The following PAPSS2 variants were observed in gnomAD, a reference collection of about 807,000 sequenced individuals.
PAPSS2 encodes bifunctional 3'-phosphoadenosine 5'-phosphosulfate synthase 2.
A neutral mutation model predicts 66.5 loss-of-function variants in PAPSS2; 61 were observed. The ratio of observed to expected loss-of-function variants is 0.92; its 90% CI spans 0.75 to 1.14. The LOEUF is 1.14. PAPSS2 is among the 50% of genes most tolerant of loss of function. PAPSS2 has a pLI of 0.00. For missense variants in PAPSS2, 708 were observed against 789.6 expected (o/e 0.90, Z 1.24); for synonymous variants, 289 against 287.5 (o/e 1.01, Z -0.05).
chr10:87,743,579 G>T lies in PAPSS2; in HGVS notation c.1429G>T (p.Asp477Tyr). The T allele has an allele frequency of 6.2e-7, 1 of 1,614,118 alleles. No homozygotes were observed. Among genetic ancestry groups the T allele is most frequent in the Non-Finnish European group, 8.5e-7 (1 of 1,180,010 alleles). ...HAAVLEEGVL[D>Y]PKSTIVAIFP... is the part of the protein sequence containing the mutation. ...GGCTGTGCTCGAGGAAGGGGTCCTG[G>T]ATCCCAAGTCAACCATTGTTGCCAT... Residue 477 changes from aspartate (D) to tyrosine (Y), a missense_variant, in exon 11 of 13, where the codon GAT (aspartate) becomes TAT (tyrosine). Physicochemically the swap from Asp to Tyr is radical, Grantham distance 160. Coordinates refer to ENST00000456849, the MANE Select transcript of PAPSS2 (RefSeq NM_001015880.2).
At chr10:87,712,529 G>C (rs1853474918) in intron 2 of PAPSS2, among the ~76,000 whole-genome samples, 1 of 152,132 alleles carries the variant, frequency 6.6e-6, no homozygotes, top group Non-Finnish European at 1.5e-5. Flanking sequence ...ACGGCTCACT[G>C]CATGCAGCCT....
At chr10:87,670,978 A>G (rs182325144) in intron 1 of PAPSS2, among the ~76,000 whole-genome samples, 51 of 152,298 alleles carry the variant, frequency 3.3e-4, no homozygotes, top group Non-Finnish European at 5.7e-4. Flanking sequence ...GGGTTCCCCA[A>G]ATAGAAGAAG....
At position 87,671,223 on chromosome 10, in the gene PAPSS2, G is replaced by A. The variant is rs142745964; in HGVS notation, c.27+11215G>A. The stretch of plus-strand genomic sequence containing the variant: ...ATAACATATAATGGATACTATGACT[G>A]TGAGAATGCAAAAGGATCTTTTGAT... On this transcript the variant is annotated intron_variant, in intron 1 of 12. Transcript: ENST00000456849. Among the ~76,000 whole-genome samples, 10 of 152,170 alleles carry A rather than the reference G, an allele frequency of 6.6e-5. No homozygotes were observed. The East Asian group carries it at 1.9e-3, about 29-fold the overall frequency.
At chr10:87,706,946 T>C (rs55973619) in intron 1 of PAPSS2, among the ~76,000 whole-genome samples, 23,621 of 152,240 alleles carry the variant, frequency 0.16, 1,939 homozygotes, top group East Asian at 0.22. Flanking sequence ...CTTCCAAGTC[T>C]TGGATTCCGA....
chr10:87,691,488 TA>T (rs372350541), intron 1 of PAPSS2, among the ~76,000 whole-genome samples: 11,119 of 141,898 alleles, frequency 0.078, 1,255 homozygotes, highest in African/African-American at 0.25. Context: ...TTGAGACACT[TA>T]AAAAAAAAAA....
intron 1 of PAPSS2, among the ~76,000 whole-genome samples, chr10:87,695,762 G>T (rs1226589734): frequency 1.3e-5 from 2 of 152,104 alleles, no homozygotes; most frequent in African/African-American, 4.8e-5. Flanking sequence ...AGGAAGGAGA[G>T]CAGTAGGTCC....
chr10:87,724,851 T>TACACACACACACACACACACAC (rs58668772), intron 8 of PAPSS2, among the ~76,000 whole-genome samples: 3,948 of 138,226 alleles, frequency 0.029, 140 homozygotes, highest in African/African-American at 0.065. Flanking sequence ...TCTCTGTCTA[T>TACACACACACACACACACACAC]ACACACACAC....
At chr10:87,681,760 C>CTTATATATA (rs1389759560) in intron 1 of PAPSS2, among the ~76,000 whole-genome samples, 9 of 152,132 alleles carry the variant, frequency 5.9e-5, no homozygotes, top group Non-Finnish European at 1.2e-4. Flanking sequence ...CTGATAGTTT[C>CTTATATATA]CTTTTTTGGA....
intron 1 of PAPSS2, among the ~76,000 whole-genome samples, chr10:87,689,543 A>G (rs1853141481): frequency 6.7e-6 from 1 of 149,414 alleles, no homozygotes; most frequent in Non-Finnish European, 1.5e-5. Context: ...GCGCATGCCT[A>G]TAATCCCAGC....
Position 87,727,333 on chromosome 10 carries a change from G to C in PAPSS2, c.930G>C (p.Glu310Asp). ...CCATTGTACTGCCCGTCTCTGCAGA[G>C]GATAAGACACGGCTGGAAGGGTGCA... ...SIPIVLPVSA[E>D]DKTRLEGCSK... Residue 310 changes from glutamate (E) to aspartate (D), a missense_variant, in exon 9 of 13, where the codon GAG (glutamate) becomes GAC (aspartate). Transcript: ENST00000456849. 6.2e-7 allele frequency: 1 copy of C among 1,614,028 alleles called. No individual in the cohort carries two copies. Among genetic ancestry groups the C allele is most frequent in the East Asian group, 2.2e-5 (1 of 44,880 alleles).
chr10:87,687,960 A>G (rs1853109582), intron 1 of PAPSS2, among the ~76,000 whole-genome samples: 1 of 152,184 alleles, frequency 6.6e-6, no homozygotes, highest in South Asian at 2.1e-4. Context: ...GGACAATGCC[A>G]CCTATTTTCT....
chr10:87,722,665 G>A (rs552122181), intron 8 of PAPSS2, among the ~76,000 whole-genome samples: 42 of 152,232 alleles, frequency 2.8e-4, no homozygotes, highest in African/African-American at 1.0e-3. Flanking sequence ...GCACATGAAG[G>A]AAAAGGCTGA....
At chr10:87,717,492 A>G (rs1331612426) in intron 7 of PAPSS2, among the ~76,000 whole-genome samples, 1 of 152,188 alleles carries the variant, frequency 6.6e-6, no homozygotes, top group African/African-American at 2.4e-5. Flanking sequence ...TTGTGTTTTG[A>G]TAAGGGAAGG....
chr10:87,713,074 G>A lies in PAPSS2; in HGVS notation c.146-1G>A. The A allele has an allele frequency of 6.3e-7, 1 of 1,578,538 alleles. No individual in the cohort carries two copies. The highest frequency in any genetic ancestry group is 8.7e-7 in the Non-Finnish European group (1 of 1,148,492). On this transcript the variant is annotated splice_acceptor_variant, in intron 2 of 12. Transcript: ENST00000456849. LOFTEE classifies it high-confidence loss of function. ...CAGTCTGTTTTATCTGTTCTGAACAGGTCTCTCTGGTGCTGGAAAAACAAC... is the reference window on the plus strand; with the variant it reads ...CAGTCTGTTTTATCTGTTCTGAACAAGTCTCTCTGGTGCTGGAAAAACAAC...
intron 7 of PAPSS2, among the ~76,000 whole-genome samples, chr10:87,721,439 A>T (rs1239309573): frequency 6.6e-6 from 1 of 152,234 alleles, no homozygotes; most frequent in South Asian, 2.1e-4. Flanking sequence ...GGACATTAAC[A>T]TATGTTATAA....
At chr10:87,737,648 C>A (rs1853817148) in intron 9 of PAPSS2, among the ~76,000 whole-genome samples, 1 of 152,006 alleles carries the variant, frequency 6.6e-6, no homozygotes, top group African/African-American at 2.4e-5. Flanking sequence ...TAGTGAGAAC[C>A]TGTCTCTACA....
intron 1 of PAPSS2, among the ~76,000 whole-genome samples, chr10:87,699,053 A>G (rs1853269832): frequency 6.6e-6 from 1 of 152,214 alleles, no homozygotes; most frequent in African/African-American, 2.4e-5. Context: ...ACTTATGAAT[A>G]TTGTTAGGGC....
Position 87,715,758 on chromosome 10 carries a change from G to A in PAPSS2, c.780G>A (p.Leu260=), listed in dbSNP as rs760543162. ...TKLDLQWVQV[L]SEGWATPLKG... is the part of the protein sequence containing the mutation. ...TGGATCTCCAGTGGGTCCAGGTTTT[G>A]AGCGAAGGCTGGGCCACTCCCCTCA... The change falls in exon 7 of 13, where the codon TTG becomes TTA. Residue 260 remains leucine, a synonymous_variant. Transcript: ENST00000456849. 1 of 1,613,622 alleles carries A rather than the reference G, an allele frequency of 6.2e-7. No individual in the cohort carries two copies. Among genetic ancestry groups the A allele is most frequent in the Non-Finnish European group, 8.5e-7 (1 of 1,179,558 alleles).
At chr10:87,660,107 A>T in intron 1 of PAPSS2, 99 bp downstream of exon 1, 1 of 1,259,608 alleles carries the variant, frequency 7.9e-7, no homozygotes, top group Non-Finnish European at 1.1e-6. Flanking sequence ...CCTCCCCGGG[A>T]GGGGGCGTCG....
Sources: allele counts gnomAD v4.1 joint callset (sites outside exome capture counted in the v4.1 genomes callset), GRCh38; gene constraint gnomAD v4.1.1; transcripts MANE v1.5; gene names NCBI Gene and HGNC (gene_info 2026-07-23, HGNC 2026-07-21).